Variants in EPSTI1 observed in about 807,000 individuals in gnomAD.
The protein encoded by EPSTI1 is epithelial-stromal interaction protein 1.
Under a neutral mutation model 49.9 loss-of-function variants are expected in EPSTI1, and 66 were observed. The ratio of observed to expected loss-of-function variants is 1.32; its 90% CI spans 1.08 to 1.62. The LOEUF (loss-of-function observed/expected upper bound fraction) is 1.62. EPSTI1 is among the 40% of genes most tolerant of loss of function. EPSTI1 has a pLI of 0.00. For missense variants in EPSTI1, 394 were observed against 365.5 expected (o/e 1.08, Z -0.64); for synonymous variants, 137 against 130.7 (o/e 1.05, Z -0.33).
intron 6 of EPSTI1, among the ~76,000 whole-genome samples, chr13:42,945,830 T>A (rs1327941512): frequency 6.6e-6 from 1 of 152,204 alleles, no homozygotes; most frequent in Non-Finnish European, 1.5e-5. Context: ...GTGATATGGT[T>A]CTAACCATCA....
At chr13:42,975,683 T>G (rs1045529008) in intron 1 of EPSTI1, among the ~76,000 whole-genome samples, 2 of 152,222 alleles carry the variant, frequency 1.3e-5, no homozygotes, top group Non-Finnish European at 1.5e-5. Flanking sequence ...TGGTTTGGTA[T>G]GTATCTCAGC....
At chr13:42,918,603 C>A (rs550351583) in intron 7 of EPSTI1, among the ~76,000 whole-genome samples, 1 of 152,272 alleles carries the variant, frequency 6.6e-6, no homozygotes, top group South Asian at 2.1e-4. Flanking sequence ...TATAAAAACC[C>A]ATATCCCATC....
chr13:42,905,827 G>A (rs1594623084), intron 8 of EPSTI1, among the ~76,000 whole-genome samples: 1 of 152,176 alleles, frequency 6.6e-6, no homozygotes, highest in African/African-American at 2.4e-5. Flanking sequence ...ACAAAATTAA[G>A]CTACATGACA....
At chr13:42,946,081 A>G (rs1316249319) in intron 6 of EPSTI1, among the ~76,000 whole-genome samples, 1 of 152,184 alleles carries the variant, frequency 6.6e-6, no homozygotes, top group Non-Finnish European at 1.5e-5. Context: ...AGTGTCTTTC[A>G]GAAGCTCCCA....
chr13:42,973,146 T>G (rs2039805536), intron 1 of EPSTI1, among the ~76,000 whole-genome samples: 3 of 152,174 alleles, frequency 2.0e-5, no homozygotes, highest in Admixed American at 2.0e-4. Flanking sequence ...GAGAGAAAAA[T>G]CAACTCATTT....
chr13:42,959,057 G>A (rs142031377), intron 5 of EPSTI1, among the ~76,000 whole-genome samples: 87 of 152,162 alleles, frequency 5.7e-4, no homozygotes, highest in Non-Finnish European at 4.9e-4. Context: ...TTTATAATTA[G>A]GTTAGGGTAC....
At chr13:42,987,350 G>GA (rs577116278) in intron 1 of EPSTI1, among the ~76,000 whole-genome samples, 92 of 146,920 alleles carry the variant, frequency 6.3e-4, no homozygotes, top group African/African-American at 1.0e-3. Flanking sequence ...TTGATGTCAG[G>GA]AAAAAAAAAA....
intron 1 of EPSTI1, chr13:42,991,245 T>C (rs2153437747): frequency 6.6e-6 from 1 of 152,472 alleles, no homozygotes; most frequent in African/African-American, 2.4e-5. Context: ...TACCTGTTAG[T>C]GTCTGATACA....
At chr13:42,903,258 A>T (rs2037411335) in intron 8 of EPSTI1, among the ~76,000 whole-genome samples, 1 of 152,208 alleles carries the variant, frequency 6.6e-6, no homozygotes. Flanking sequence ...TGGCAAAATG[A>T]TCATGCAACT....
At chr13:42,915,518 T>A (rs1316765246) in intron 8 of EPSTI1, among the ~76,000 whole-genome samples, 2 of 152,040 alleles carry the variant, frequency 1.3e-5, no homozygotes, top group Non-Finnish European at 2.9e-5. Context: ...GGTGACAGAG[T>A]GAGACCTGGT....
At chr13:42,984,053 G>A (rs9562448) in intron 1 of EPSTI1, among the ~76,000 whole-genome samples, 73,801 of 151,986 alleles carry the variant, frequency 0.49, 18,572 homozygotes, top group South Asian at 0.61. Flanking sequence ...CCAGCTCATT[G>A]AGACATGTCA....
intron 6 of EPSTI1, among the ~76,000 whole-genome samples, chr13:42,947,476 A>G (rs2153427140): frequency 6.6e-6 from 1 of 152,284 alleles, no homozygotes; most frequent in East Asian, 1.9e-4. Flanking sequence ...CCACTGAACA[A>G]TTGTGGACAT....
chr13:42,939,632 T>C (rs1254282394), intron 6 of EPSTI1, among the ~76,000 whole-genome samples: 2 of 152,114 alleles, frequency 1.3e-5, no homozygotes, highest in Non-Finnish European at 2.9e-5. Flanking sequence ...TGGGCAGGGT[T>C]TGTGGGTCCC....
At position 42,888,376 on chromosome 13, in the gene EPSTI1, G is replaced by A. The variant is rs756870487; in HGVS notation, c.*118C>T. The A allele has an allele frequency of 2.5e-6, 4 of 1,614,052 alleles. No homozygotes were observed. Among genetic ancestry groups the A allele is most frequent in the East Asian group, 2.2e-5 (1 of 44,886 alleles). Reference sequence around the variant, plus strand: ...CACTCCTGACTGCACGGTCAAGTGTGTGGGCAGTTGAAATTAAGGTAAAAA... The same window carrying A: ...CACTCCTGACTGCACGGTCAAGTGTATGGGCAGTTGAAATTAAGGTAAAAA... On this transcript the variant is annotated 3_prime_UTR_variant, in exon 11 of 11. Coordinates refer to ENST00000313624, the MANE Select transcript of EPSTI1 (RefSeq NM_033255.5).
rs2037152439 is a variant in EPSTI1, at chr13:42,895,078, T to C, written c.846A>G (p.Gln282=). ...RVNNAFLDRL[Q]GKSQPGGLEQ... ...CGAGGCCACCTGGTTGACTTTTGCC[T>C]TGGAGTCGGTCCAGAAAAGCATTAT... Residue 282 remains glutamine, a synonymous_variant, in exon 10 of 11, where the codon CAA becomes CAG. Coordinates refer to ENST00000313624, the MANE Select transcript of EPSTI1 (RefSeq NM_033255.5). 6.2e-7 allele frequency: 1 copy of C among 1,613,340 alleles called. No homozygotes were observed. Among genetic ancestry groups the C allele is most frequent in the Non-Finnish European group, 8.5e-7 (1 of 1,179,618 alleles).
chr13:42,938,930 A>AAAAAAAAAAAAAAAAAAAAC (rs2038658848), intron 6 of EPSTI1, among the ~76,000 whole-genome samples: 1 of 150,768 alleles, frequency 6.6e-6, no homozygotes, highest in East Asian at 1.9e-4. Flanking sequence ...AAAAAAAAAA[A>AAAAAAAAAAAAAAAAAAAAC]AATCTGTTGT....
chr13:42,954,165 T>C, intron 5 of EPSTI1, 144 bp from the exon 6 acceptor site: 1 of 625,998 alleles, frequency 1.6e-6, no homozygotes, highest in Non-Finnish European at 2.7e-6. Context: ...TCCAAGATGG[T>C]ACTCCCTGTC....
chr13:42,895,860 A>G (rs1296488858), intron 9 of EPSTI1, among the ~76,000 whole-genome samples: 1 of 152,226 alleles, frequency 6.6e-6, no homozygotes, highest in Non-Finnish European at 1.5e-5. Flanking sequence ...TGCAGAAATA[A>G]GACTATAAGC....
At chr13:42,978,026 G>T (rs892458954) in intron 1 of EPSTI1, among the ~76,000 whole-genome samples, 1 of 151,874 alleles carries the variant, frequency 6.6e-6, no homozygotes, top group African/African-American at 2.4e-5. Context: ...AGTGGCGGGC[G>T]CCTGTAGTCC....
Sources: allele counts gnomAD v4.1 joint callset (sites outside exome capture counted in the v4.1 genomes callset), GRCh38; gene constraint gnomAD v4.1.1; transcripts MANE v1.5; gene names NCBI Gene and HGNC (gene_info 2026-07-23, HGNC 2026-07-21).